The following CCDC30 variants were observed in gnomAD, a reference collection of about 807,000 sequenced individuals.
The protein encoded by CCDC30 is coiled-coil domain containing 30.
In CCDC30, 70 loss-of-function variants were observed where a neutral mutation model predicts 100.2. The observed-to-expected ratio is 0.70, with a 90% CI of 0.58 to 0.85. CCDC30 has a LOEUF of 0.85. CCDC30 is among the 40% of genes least tolerant of loss of function. CCDC30 has a pLI of 0.00. For missense variants in CCDC30, 652 were observed against 771.2 expected (o/e 0.85, Z 1.83); for synonymous variants, 233 against 269.5 (o/e 0.86, Z 1.33).
rs1297780391 is a variant in CCDC30, at chr1:42,568,341, C to T, written c.636+1866C>T. On this transcript the variant is annotated intron_variant, in intron 7 of 16. Coordinates refer to ENST00000668663, the Ensembl canonical transcript of CCDC30. ...TGTTGGCCAGGCTGATCTCGAACTC[C>T]TGACCTCAGGTGATCCTTCCGGCTT... Among the ~76,000 whole-genome samples the T allele has an allele frequency of 3.3e-5, 5 of 152,282 alleles. No homozygotes were observed. The East Asian group carries it at 9.7e-4, about 29-fold the overall frequency.
At chr1:42,496,586 A>C (rs2148474002) in intron 4 of CCDC30, among the ~76,000 whole-genome samples, 1 of 152,258 alleles carries the variant, frequency 6.6e-6, no homozygotes, top group East Asian at 1.9e-4. Context: ...TAGTTTGATT[A>C]ACAAAAAGCC....
chr1:42,573,274 A>G lies in CCDC30; in HGVS notation c.637-3746A>G, dbSNP rs541756322. Among the ~76,000 whole-genome samples, 18 of 152,268 alleles carry G rather than the reference A, an allele frequency of 1.2e-4. No homozygotes were observed. In the East Asian group the frequency reaches 1.7e-3, roughly 15 times the overall value. On this transcript the variant is annotated intron_variant, in intron 7 of 16. Coordinates refer to ENST00000668663, the Ensembl canonical transcript of CCDC30. ...TTGCAATATTGAATCCTCTAATTTA[A>G]GAAGAGAGTATGTGTATTTAGGTTT...
chr1:42,544,042 T>C (rs948985815), intron 6 of CCDC30, among the ~76,000 whole-genome samples: 4 of 152,202 alleles, frequency 2.6e-5, no homozygotes, highest in African/African-American at 9.6e-5. Flanking sequence ...TTCTTATTTT[T>C]TATTCCATTC....
chr1:42,639,811 C>T (rs1647260161), intron 12 of CCDC30, among the ~76,000 whole-genome samples: 1 of 151,860 alleles, frequency 6.6e-6, no homozygotes, highest in East Asian at 1.9e-4. Context: ...TATATAATCT[C>T]TTAGAAGGGC....
intron 12 of CCDC30, among the ~76,000 whole-genome samples, chr1:42,638,283 G>A (rs1360949580): frequency 6.6e-6 from 1 of 152,112 alleles, no homozygotes; most frequent in Admixed American, 6.5e-5. Context: ...GAGGCCAGGA[G>A]TTCAAGGTTA....
At chr1:42,607,302 G>A (rs1557443931) in intron 10 of CCDC30, among the ~76,000 whole-genome samples, 1 of 152,046 alleles carries the variant, frequency 6.6e-6, no homozygotes, top group African/African-American at 2.4e-5. Flanking sequence ...TTAGGAAGAG[G>A]TTTAGCTTTA....
chr1:42,560,205 C>G (rs932963132), intron 6 of CCDC30, among the ~76,000 whole-genome samples: 7 of 152,036 alleles, frequency 4.6e-5, no homozygotes, highest in African/African-American at 1.7e-4. Flanking sequence ...GATCTCAAAT[C>G]GACACCCTAA....
chr1:42,514,693 G>A (rs781541704), intron 6 of CCDC30, among the ~76,000 whole-genome samples: 10 of 151,978 alleles, frequency 6.6e-5, no homozygotes, highest in South Asian at 2.1e-4. Context: ...ATGCTCTGTC[G>A]CCCAGGCTGG....
At chr1:42,546,034 G>A (rs372954119) in intron 6 of CCDC30, among the ~76,000 whole-genome samples, 5 of 151,648 alleles carry the variant, frequency 3.3e-5, no homozygotes, top group East Asian at 1.9e-4. Context: ...CAAAAAGTTC[G>A]TCTTTTGATA....
chr1:42,529,795 G>A (rs1484883086), intron 6 of CCDC30: 1 of 152,168 alleles, frequency 6.6e-6, no homozygotes, highest in Non-Finnish European at 1.5e-5. Flanking sequence ...CCTGGCATGG[G>A]TTGTTTCCTT....
intron 11 of CCDC30, among the ~76,000 whole-genome samples, chr1:42,616,400 A>T (rs1403057544): frequency 6.6e-6 from 1 of 152,220 alleles, no homozygotes. Context: ...TCCTTGTGTG[A>T]TTCTAATGTG....
intron 6 of CCDC30, among the ~76,000 whole-genome samples, chr1:42,512,636 G>A (rs575341195): frequency 6.6e-6 from 1 of 152,134 alleles, no homozygotes; most frequent in Non-Finnish European, 1.5e-5. Context: ...AGGAAATTTT[G>A]CAACAGGATA....
rs1272317845 is a variant in CCDC30, at chr1:42,648,121, G to A, written c.1854+1804G>A. ...ATGCCTGGCTAATTTTGTATTTTTAGTAGAGACGGGGTTTCTCCATGTTGG... is the reference window on the plus strand; with the variant it reads ...ATGCCTGGCTAATTTTGTATTTTTAATAGAGACGGGGTTTCTCCATGTTGG... On this transcript the variant is annotated intron_variant, in intron 15 of 16. Transcript: ENST00000668663. Among the ~76,000 whole-genome samples the A allele has an allele frequency of 2.0e-5, 3 of 151,916 alleles. No homozygotes were observed. The East Asian group carries it at 5.8e-4, about 30-fold the overall frequency.
intron 6 of CCDC30, among the ~76,000 whole-genome samples, chr1:42,553,652 T>TAC (rs60429759): frequency 0.27 from 35,402 of 133,526 alleles, 4,644 homozygotes; most frequent in East Asian, 0.32. Flanking sequence ...TGAGATTCCA[T>TAC]ACACACACAC....
At chr1:42,545,372 T>C in intron 6 of CCDC30, 38 bp from the exon 9 acceptor site, 5 of 1,500,010 alleles carry the variant, frequency 3.3e-6, no homozygotes, top group Non-Finnish European at 4.5e-6. Context: ...AATAAAAGTA[T>C]GCAAAATAGA....
At chr1:42,479,991 T>C (rs1324314306) in intron 1 of CCDC30, among the ~76,000 whole-genome samples, 1 of 152,138 alleles carries the variant, frequency 6.6e-6, no homozygotes, top group African/African-American at 2.4e-5. Context: ...TCTTTCTCTC[T>C]GGATGGGGGA....
intron 10 of CCDC30, chr1:42,595,599 A>G: frequency 6.6e-6 from 1 of 152,206 alleles, no homozygotes. Context: ...ATCCATATTT[A>G]TAATAAGTGT....
chr1:42,491,200 T>G (rs1644135344), intron 4 of CCDC30, among the ~76,000 whole-genome samples: 1 of 152,204 alleles, frequency 6.6e-6, no homozygotes, highest in African/African-American at 2.4e-5. Flanking sequence ...ATAAAAGTCC[T>G]AAAAATACTA....
intron 6 of CCDC30, among the ~76,000 whole-genome samples, chr1:42,520,866 C>CTTGA: frequency 6.6e-6 from 1 of 151,446 alleles, no homozygotes; most frequent in Non-Finnish European, 1.5e-5. Flanking sequence ...CCAGGATGGT[C>CTTGA]TTGATCTCCT....
Sources: gnomAD v4.1 joint callset for allele counts (sites outside exome capture counted in the v4.1 genomes callset) on GRCh38, gnomAD v4.1.1 for gene constraint, MANE v1.5 for transcripts, NCBI Gene and HGNC (gene_info 2026-07-23, HGNC 2026-07-21) for gene names.